Variants in TARBP1 observed in about 807,000 individuals in gnomAD.
The protein encoded by TARBP1 is tRNA (guanosine(18)-2'-O)-methyltransferase TARBP1.
Under a neutral mutation model 178.6 loss-of-function variants are expected in TARBP1, and 144 were observed. The observed-to-expected ratio is 0.81, with a 90% CI of 0.70 to 0.93. The LOEUF is 0.93. Ranked by LOEUF, TARBP1 falls within the 40% of genes least tolerant of loss-of-function variation. TARBP1 has a pLI of 0.00. For synonymous variants in TARBP1, 787 were observed against 781.0 expected (o/e 1.01, Z -0.13); for missense variants, 2,067 against 2,011.7 (o/e 1.03, Z -0.53).
intron 14 of TARBP1, among the ~76,000 whole-genome samples, chr1:234,432,601 G>C (rs1046866246): frequency 9.2e-5 from 14 of 152,148 alleles, no homozygotes; most frequent in Admixed American, 6.5e-4. Context: ...GATTCCAGTT[G>C]GTCCATAAAA....
At chr1:234,456,705 C>T (rs184499992) in intron 9 of TARBP1, among the ~76,000 whole-genome samples, 54 of 152,138 alleles carry the variant, frequency 3.5e-4, no homozygotes, top group Non-Finnish European at 4.9e-4. Flanking sequence ...TACACATATA[C>T]TTATCTATAA....
At chr1:234,469,077 T>TTTAAAAAAAAAAA (rs1413764322) in intron 3 of TARBP1, among the ~76,000 whole-genome samples, 1 of 63,764 alleles carries the variant, frequency 1.6e-5, no homozygotes, top group Non-Finnish European at 2.9e-5. Flanking sequence ...TTTTTTTTTT[T>TTTAAAAAAAAAAA]AAAAAAAAAA....
chr1:234,441,700 C>T (rs1411249450), intron 12 of TARBP1, among the ~76,000 whole-genome samples: 1 of 152,174 alleles, frequency 6.6e-6, no homozygotes, highest in African/African-American at 2.4e-5. Context: ...TTTAAATCAT[C>T]GGGCCCTTAA....
At chr1:234,472,950 G>T in intron 1 of TARBP1, 139 bp from the exon 2 acceptor site, 2 of 695,656 alleles carry the variant, frequency 2.9e-6, no homozygotes. Flanking sequence ...TCAGAGCCTG[G>T]ATAGGGGGCT....
At chr1:234,442,756 G>C (rs1665716831) in intron 12 of TARBP1, among the ~76,000 whole-genome samples, 2 of 152,086 alleles carry the variant, frequency 1.3e-5, no homozygotes, top group Non-Finnish European at 1.5e-5. Context: ...AAATAAATTT[G>C]AGATTTCAAG....
rs754783460 is a variant in TARBP1, at chr1:234,405,988, TAC to T, written c.3902_3903del (p.Cys1301Ter). The T allele has an allele frequency of 6.2e-7, 1 of 1,614,168 alleles. No homozygotes were observed. The highest frequency in any genetic ancestry group is 1.3e-5 in the African/African-American group (1 of 75,032). The part of the protein sequence containing the change: ...LVALKKLWTV[C>X]KVLSVEEFDA... ...TCAAATTCTTCAACACTTAACACTT[TAC>T]ACACAGTCCAGAGTTTCTTAAGAGC... On this transcript the variant is annotated frameshift_variant, in exon 24 of 30. Coordinates refer to ENST00000040877, the MANE Select transcript of TARBP1 (RefSeq NM_005646.4). LOFTEE classifies it high-confidence loss of function.
rs957666930 is a variant in TARBP1 at position 234,470,936 on chromosome 1, C to T, written c.1099+252G>A. Among the ~76,000 whole-genome samples the T allele has an allele frequency of 3.3e-5, 5 of 151,810 alleles. No individual in the cohort carries two copies. The East Asian group carries it at 5.8e-4, about 18-fold the overall frequency. On this transcript the variant is annotated intron_variant, in intron 3 of 29. Coordinates refer to ENST00000040877, the MANE Select transcript of TARBP1 (RefSeq NM_005646.4). Reference sequence around the variant, plus strand: ...TGGCCCAAAATTGTGCTCTTAAAGACGATTTAAGGATATGAGTAGATGCAT... The same window carrying T: ...TGGCCCAAAATTGTGCTCTTAAAGATGATTTAAGGATATGAGTAGATGCAT...
At chr1:234,411,525 C>T (rs1661821639) in intron 22 of TARBP1, among the ~76,000 whole-genome samples, 1 of 152,120 alleles carries the variant, frequency 6.6e-6, no homozygotes, top group Non-Finnish European at 1.5e-5. Context: ...TGAACAAGAA[C>T]AAAGACACAG....
chr1:234,449,524 T>C (rs2103218734), intron 10 of TARBP1, among the ~76,000 whole-genome samples: 1 of 152,358 alleles, frequency 6.6e-6, no homozygotes, highest in African/African-American at 2.4e-5. Flanking sequence ...TCCCAGTTTA[T>C]GTCTACTTTA....
intron 22 of TARBP1, among the ~76,000 whole-genome samples, chr1:234,413,237 A>G (rs1662052160): frequency 6.6e-6 from 1 of 152,146 alleles, no homozygotes; most frequent in African/African-American, 2.4e-5. Flanking sequence ...ACGAAAAAAA[A>G]GCAGTGGCTC....
intron 10 of TARBP1, among the ~76,000 whole-genome samples, chr1:234,450,112 G>C (rs1382635561): frequency 6.6e-6 from 1 of 152,082 alleles, no homozygotes; most frequent in Non-Finnish European, 1.5e-5. Context: ...CATATCTGCA[G>C]TATCTAGTTC....
intron 26 of TARBP1, 31 bp downstream of exon 26, chr1:234,398,351 G>C (rs992059432): frequency 6.5e-7 from 1 of 1,539,514 alleles, no homozygotes; most frequent in Admixed American, 1.9e-5. Flanking sequence ...GATCAACAAG[G>C]GGAAAAAATA....
At chr1:234,464,924 G>A (rs1404031173) in intron 5 of TARBP1, among the ~76,000 whole-genome samples, 1 of 152,206 alleles carries the variant, frequency 6.6e-6, no homozygotes, top group African/African-American at 2.4e-5. Flanking sequence ...AACTTTAACT[G>A]TGGCCTATAA....
intron 26 of TARBP1, among the ~76,000 whole-genome samples, chr1:234,397,002 A>G (rs1299546250): frequency 6.6e-6 from 1 of 151,610 alleles, no homozygotes; most frequent in Non-Finnish European, 1.5e-5. Context: ...TTCCACTCGG[A>G]CTGTGTAAAA....
At chr1:234,447,680 C>G (rs1018618532) in intron 11 of TARBP1, among the ~76,000 whole-genome samples, 1 of 152,122 alleles carries the variant, frequency 6.6e-6, no homozygotes, top group Admixed American at 6.5e-5. Flanking sequence ...CTGTATGTCA[C>G]GCAAATATCC....
chr1:234,474,264 AC>A (rs1669364007), intron 1 of TARBP1, among the ~76,000 whole-genome samples: 1 of 150,488 alleles, frequency 6.6e-6, no homozygotes, highest in Non-Finnish European at 1.5e-5. Context: ...ACACACACAC[AC>A]ACACACACAC....
chr1:234,422,553 GATAGAAA>G (rs1285750466), intron 20 of TARBP1, among the ~76,000 whole-genome samples: 1 of 152,228 alleles, frequency 6.6e-6, no homozygotes, highest in African/African-American at 2.4e-5. Flanking sequence ...AACTCATGGA[GATAGAAA>G]ATAGAATGAT....
At chr1:234,466,962 G>A (rs1414433472) in intron 4 of TARBP1, among the ~76,000 whole-genome samples, 3 of 152,168 alleles carry the variant, frequency 2.0e-5, no homozygotes, top group Non-Finnish European at 4.4e-5. Flanking sequence ...GTCATCATGG[G>A]ACTCACATGA....
intron 12 of TARBP1, among the ~76,000 whole-genome samples, chr1:234,445,183 A>C (rs1435096307): frequency 6.6e-6 from 1 of 152,076 alleles, no homozygotes; most frequent in Non-Finnish European, 1.5e-5. Context: ...CTCCTCCCGG[A>C]AACACGTTCT....
Sources: allele counts gnomAD v4.1 joint callset (sites outside exome capture counted in the v4.1 genomes callset), GRCh38; gene constraint gnomAD v4.1.1; transcripts MANE v1.5; gene names NCBI Gene and HGNC (gene_info 2026-07-23, HGNC 2026-07-21).